Variants in PLCL1 observed in about 807,000 individuals in gnomAD.
The protein encoded by PLCL1 is phospholipase C like 1 (inactive).
In PLCL1, 41 loss-of-function variants were observed where a neutral mutation model predicts 84.4. The observed-to-expected ratio is 0.49, with a 90% CI of 0.38 to 0.63. PLCL1 has a LOEUF of 0.63. Among genes scored for constraint, PLCL1 ranks in the 30% least tolerant of loss-of-function variants. PLCL1 has a pLI of 0.00. For synonymous variants in PLCL1, 490 were observed against 488.3 expected (o/e 1.00, Z -0.05); for missense variants, 1,206 against 1,367.8 (o/e 0.88, Z 1.87).
At chr2:197,863,163 GTT>G (rs71012994) in intron 1 of PLCL1, among the ~76,000 whole-genome samples, 1 of 134,740 alleles carries the variant, frequency 7.4e-6, no homozygotes. Context: ...TTCTTAAAGC[GTT>G]TTTTTTTTTT....
At chr2:197,955,779 T>C (rs2105785536) in intron 1 of PLCL1, among the ~76,000 whole-genome samples, 1 of 151,794 alleles carries the variant, frequency 6.6e-6, no homozygotes, top group South Asian at 2.1e-4. Flanking sequence ...TTCTTTTTTT[T>C]CCTTTCCTTT....
chr2:198,011,280 A>G (rs555316992), intron 1 of PLCL1, among the ~76,000 whole-genome samples: 2 of 151,678 alleles, frequency 1.3e-5, no homozygotes, highest in Non-Finnish European at 2.9e-5. Flanking sequence ...TACTGCTTTC[A>G]CTGCATTCCA....
In PLCL1 at chr2:197,886,411, C is replaced by CAAAAAAA. The variant is rs61183744; in HGVS notation, c.240+81107_240+81113dup. On this transcript the variant is annotated intron_variant, in intron 1 of 5. Coordinates refer to ENST00000428675, the MANE Select transcript of PLCL1 (RefSeq NM_006226.4). ...TGGGCAACAGAATGAGACTCTGTCT[C>CAAAAAAA]AAAAAAAAAAAAAAAAAAAAAAAAA... Among the ~76,000 whole-genome samples the CAAAAAAA allele has an allele frequency of 3.4e-3, 261 of 77,020 alleles. 16 individuals are homozygous for CAAAAAAA. Among genetic ancestry groups the CAAAAAAA allele is most frequent in the Non-Finnish European group, 4.7e-3 (176 of 37,354 alleles). 50.5% of individuals were successfully genotyped at this position (77,020 alleles called of 152,430 possible).
Position 197,916,652 on chromosome 2 carries a change from G to A in PLCL1, c.240+111313G>A, listed in dbSNP as rs74722420. ...GACAGAGTCATGGTTAAGAGAGCAG[G>A]CTTTCAGAGAAGGCCAATTCAAATT... is the stretch of plus-strand genomic sequence containing the variant. On this transcript the variant is annotated intron_variant, in intron 1 of 5. Coordinates refer to ENST00000428675, the MANE Select transcript of PLCL1 (RefSeq NM_006226.4). Among the ~76,000 whole-genome samples the A allele has an allele frequency of 5.9e-3, 896 of 151,830 alleles. 10 individuals carry two copies. Among genetic ancestry groups the A allele is most frequent in the African/African-American group, 0.021 (857 of 41,360 alleles).
chr2:197,944,254 A>AGAAGAATTCTCAGTT, intron 1 of PLCL1, among the ~76,000 whole-genome samples: 1 of 152,056 alleles, frequency 6.6e-6, no homozygotes, highest in South Asian at 2.1e-4. Context: ...GTCTCTTCAG[A>AGAAGAATTCTCAGTT]GAAGAATTCT....
chr2:197,943,442 T>A (rs889605867), intron 1 of PLCL1, among the ~76,000 whole-genome samples: 2 of 152,104 alleles, frequency 1.3e-5, no homozygotes, highest in Non-Finnish European at 2.9e-5. Flanking sequence ...GCTAGAAGAA[T>A]CACTTCGTTT....
At chr2:197,971,160 C>A (rs1245326785) in intron 1 of PLCL1, among the ~76,000 whole-genome samples, 1 of 152,160 alleles carries the variant, frequency 6.6e-6, no homozygotes, top group Non-Finnish European at 1.5e-5. Flanking sequence ...CCAATATCTG[C>A]CACTTAGGAT....
intron 1 of PLCL1, among the ~76,000 whole-genome samples, chr2:197,927,605 AG>A (rs934594383): frequency 1.5e-4 from 23 of 152,320 alleles, no homozygotes; most frequent in African/African-American, 5.5e-4. Flanking sequence ...GCCAACTCAC[AG>A]GGCATTTTTA....
chr2:198,048,509 G>A (rs1251428094), intron 1 of PLCL1, among the ~76,000 whole-genome samples: 1 of 152,206 alleles, frequency 6.6e-6, no homozygotes, highest in African/African-American at 2.4e-5. Flanking sequence ...CATGGCACCA[G>A]CATCTGCTTC....
chr2:197,804,985 T>C lies in PLCL1; in HGVS notation c.-115T>C. ...CGCCGCCACTGCCGCCGCTGGGCGG[T>C]GAAACAAAGTCTGGCGGGGCCGCCT... is the stretch of plus-strand genomic sequence containing the variant. On this transcript the variant is annotated 5_prime_UTR_variant, in exon 1 of 6. The change abolishes the stop of an existing upstream ORF in the 5' untranslated region. Transcript: ENST00000428675. The C allele has an allele frequency of 7.9e-7, 1 of 1,271,734 alleles. No homozygotes were observed. Among genetic ancestry groups the C allele is most frequent in the Non-Finnish European group, 1.0e-6 (1 of 964,604 alleles). 78.8% of individuals were successfully genotyped at this position (1,271,734 alleles called of 1,614,324 possible). A position where few individuals can be genotyped will look rare whatever the true frequency, so the allele number is the denominator to read the frequency against.
intron 1 of PLCL1, among the ~76,000 whole-genome samples, chr2:197,951,860 A>T (rs1489017441): frequency 4.6e-5 from 7 of 152,156 alleles, no homozygotes; most frequent in Non-Finnish European, 1.0e-4. Context: ...GTGTTGGTAG[A>T]AATCCCATTG....
At chr2:197,811,907 C>T (rs1690595678) in intron 1 of PLCL1, among the ~76,000 whole-genome samples, 1 of 152,062 alleles carries the variant, frequency 6.6e-6, no homozygotes, top group South Asian at 2.1e-4. Flanking sequence ...ATGAATGATC[C>T]TGTGAGCTAG....
chr2:197,808,472 T>C (rs1401394664), intron 1 of PLCL1, among the ~76,000 whole-genome samples: 2 of 152,250 alleles, frequency 1.3e-5, no homozygotes, highest in Admixed American at 1.3e-4. Context: ...TATAATCTGC[T>C]GCCCTGTGGT....
rs12618469 is a variant in PLCL1, at chr2:198,091,210, G to A, written c.2919+2149G>A. On this transcript the variant is annotated intron_variant, in intron 3 of 5. Coordinates refer to ENST00000428675, the MANE Select transcript of PLCL1 (RefSeq NM_006226.4). ...CATCTCTGTTGAGTATTTATTTGGG[G>A]GATGGGGTGGGTAGGGACAGATACA... Among the ~76,000 whole-genome samples the A allele has an allele frequency of 3.0e-3, 451 of 152,268 alleles. 12 individuals are homozygous for A. The East Asian group carries it at 0.072, about 24-fold the overall frequency.
At chr2:197,996,897 T>G (rs1215148887) in intron 1 of PLCL1, among the ~76,000 whole-genome samples, 1 of 152,122 alleles carries the variant, frequency 6.6e-6, no homozygotes, top group Non-Finnish European at 1.5e-5. Flanking sequence ...CTAATGACAT[T>G]AGGGTGGCAT....
intron 1 of PLCL1, among the ~76,000 whole-genome samples, chr2:197,998,555 A>C (rs936350524): frequency 1.3e-5 from 2 of 152,068 alleles, no homozygotes; most frequent in African/African-American, 4.8e-5. Context: ...TCCTCTCATC[A>C]TGGGGGCCTC....
chr2:198,017,221 A>G (rs1691019801), intron 1 of PLCL1, among the ~76,000 whole-genome samples: 1 of 152,218 alleles, frequency 6.6e-6, no homozygotes, highest in Non-Finnish European at 1.5e-5. Flanking sequence ...CTTCACAAAG[A>G]ACAATAGACA....
intron 1 of PLCL1, among the ~76,000 whole-genome samples, chr2:197,841,526 T>C (rs1445561148): frequency 6.6e-6 from 1 of 152,254 alleles, no homozygotes; most frequent in Non-Finnish European, 1.5e-5. Context: ...TTCCTCCATG[T>C]CTTTTTGTGG....
At chr2:197,983,781 C>G (rs1282072686) in intron 1 of PLCL1, among the ~76,000 whole-genome samples, 1 of 152,142 alleles carries the variant, frequency 6.6e-6, no homozygotes, top group African/African-American at 2.4e-5. Context: ...TAGTTTGGGT[C>G]TGGAGCCTTC....
Sources: gnomAD v4.1 joint callset for allele counts (sites outside exome capture counted in the v4.1 genomes callset) on GRCh38, gnomAD v4.1.1 for gene constraint, MANE v1.5 for transcripts, NCBI Gene and HGNC (gene_info 2026-07-23, HGNC 2026-07-21) for gene names.